Variants in ZFHX3 observed in about 807,000 individuals in gnomAD.
ZFHX3 encodes the protein zinc finger homeobox 3, also known as zinc finger homeobox protein 3.
In ZFHX3, 42 loss-of-function variants were observed where a neutral mutation model predicts 279.1. The ratio of observed to expected loss-of-function variants is 0.15; its 90% CI spans 0.12 to 0.19. The LOEUF (loss-of-function observed/expected upper bound fraction) is 0.19. Among genes scored for constraint, ZFHX3 ranks in the 10% least tolerant of loss-of-function variants. The pLI, the probability that ZFHX3 is intolerant of heterozygous loss-of-function variation, is 1.00. For missense variants in ZFHX3, 4,981 were observed against 4,754.0 expected, an observed-to-expected ratio of 1.05 and a Z score of -1.40; for synonymous variants, 2,293 against 1,957.8, an observed-to-expected ratio of 1.17 and a Z score of -4.52.
At chr16:73,671,739 A>G (rs542315359) in intron 2 of ZFHX3, among the ~76,000 whole-genome samples, 1 of 152,224 alleles carries the variant, frequency 6.6e-6, no homozygotes. Flanking sequence ...TAAGCCAACT[A>G]GTTCCAAATT....
At chr16:73,468,942 G>A (rs559473999) in intron 2 of ZFHX3, among the ~76,000 whole-genome samples, 1 of 152,186 alleles carries the variant, frequency 6.6e-6, no homozygotes, top group Non-Finnish European at 1.5e-5. Flanking sequence ...GGAGGAGAAG[G>A]AAAGAAGAAG....
chr16:72,824,737 A>T (rs558771769), intron 5 of ZFHX3, among the ~76,000 whole-genome samples: 59 of 152,368 alleles, frequency 3.9e-4, no homozygotes, highest in African/African-American at 1.3e-3. Flanking sequence ...AAAGCATCAC[A>T]TTAATTGTAT....
chr16:72,826,074 T>A (rs1439076402), intron 5 of ZFHX3, among the ~76,000 whole-genome samples: 1 of 152,124 alleles, frequency 6.6e-6, no homozygotes, highest in African/African-American at 2.4e-5. Context: ...GCCCAGTGCC[T>A]CGCATGGGGT....
At position 72,793,435 on chromosome 16, in the gene ZFHX3, G is replaced by T. The variant is rs769133893; in HGVS notation, c.9247C>A (p.Arg3083=). 1.2e-6 allele frequency: 2 copies of T among 1,614,056 alleles called. No homozygotes were observed. The part of the protein sequence containing the change: ...RQLMAQQELD[R]IKKANEVLGL... The stretch of plus-strand genomic sequence containing the variant: ...AGGACCTCGTTGGCCTTTTTAATCC[G>T]GTCCAACTCTTGTTGAGCCATCAAC... Residue 3083 remains arginine, a synonymous_variant, in exon 9 of 10, where the codon CGG becomes AGG. Coordinates refer to ENST00000268489, the MANE Select transcript of ZFHX3 (RefSeq NM_006885.4). This position sits in a 1 kb window ranked among gnomAD's most constrained non-coding sequence, Gnocchi z 4.3.
rs550383911 is a variant in ZFHX3 at position 73,055,907 on chromosome 16, G to A, written c.-24+2623C>T. Among the ~76,000 whole-genome samples, 4 of 152,092 alleles carry A rather than the reference G, an allele frequency of 2.6e-5. No homozygotes were observed. In the East Asian group the frequency reaches 7.7e-4, roughly 29 times the overall value. ...CACCACTCCTCCAGAGACTTTGTAT[G>A]TTTAAAAAGTCCACAGATCTGAATC... On this transcript the variant is annotated intron_variant, in intron 1 of 8. Coordinates refer to the ZFHX3 transcript ENST00000397992.
chr16:73,010,137 C>G (rs1424224791), intron 1 of ZFHX3, among the ~76,000 whole-genome samples: 1 of 152,120 alleles, frequency 6.6e-6, no homozygotes, highest in Non-Finnish European at 1.5e-5. Flanking sequence ...GCTCCCACCA[C>G]AGAGCAAGGC....
chr16:73,412,508 TCCC>T (rs869287058), intron 3 of ZFHX3, among the ~76,000 whole-genome samples: 1 of 3,296 alleles, frequency 3.0e-4, no homozygotes, highest in East Asian at 2.6e-3. Context: ...GACAACTCCC[TCCC>T]CTCCCCTCCC....
intron 1 of ZFHX3, among the ~76,000 whole-genome samples, chr16:73,868,746 T>A (rs1052341657): frequency 6.6e-6 from 1 of 152,144 alleles, no homozygotes; most frequent in Non-Finnish European, 1.5e-5. Context: ...AATTACTAAG[T>A]GTACACTGAA....
chr16:73,106,220 T>C (rs1966302765), intron 7 of ZFHX3, among the ~76,000 whole-genome samples: 1 of 152,130 alleles, frequency 6.6e-6, no homozygotes, highest in African/African-American at 2.4e-5. Flanking sequence ...TGTTCTTTTT[T>C]TTCCATGCCC....
chr16:73,851,180 G>A (rs549097756), intron 1 of ZFHX3, among the ~76,000 whole-genome samples: 67 of 152,278 alleles, frequency 4.4e-4, no homozygotes, highest in African/African-American at 1.6e-3. Flanking sequence ...TCAATACAGA[G>A]GGGGAAGTTA....
intron 1 of ZFHX3, among the ~76,000 whole-genome samples, chr16:73,801,845 T>C (rs1245691720): frequency 1.3e-5 from 2 of 152,240 alleles, no homozygotes; most frequent in Non-Finnish European, 2.9e-5. Flanking sequence ...CTCTGCAACT[T>C]GGGCGTGTTC....
At chr16:73,838,751 C>CGT (rs890687442) in intron 1 of ZFHX3, among the ~76,000 whole-genome samples, 3 of 139,602 alleles carry the variant, frequency 2.1e-5, no homozygotes, top group African/African-American at 8.9e-5. Flanking sequence ...TGCGCACATG[C>CGT]GTGTGTGTGT....
At chr16:72,993,033 G>C (rs1231010883) in intron 1 of ZFHX3, among the ~76,000 whole-genome samples, 1 of 152,244 alleles carries the variant, frequency 6.6e-6, no homozygotes, top group Non-Finnish European at 1.5e-5. Context: ...GCTACTCCCA[G>C]GCTGAGGCAG....
chr16:73,419,644 A>G (rs992702204), intron 3 of ZFHX3, among the ~76,000 whole-genome samples: 4 of 151,722 alleles, frequency 2.6e-5, no homozygotes, highest in Admixed American at 2.6e-4. Flanking sequence ...GGGTCTCGCT[A>G]TGTTGCCCAG....
At chr16:73,092,885 T>C (rs758314797) in intron 8 of ZFHX3, 71 of 519,004 alleles carry the variant, frequency 1.4e-4, no homozygotes, top group Admixed American at 4.3e-4. Flanking sequence ...TGAGAGGCTG[T>C]GTGTGTCCCA....
chr16:72,832,799 C>T (rs185673167), intron 4 of ZFHX3, among the ~76,000 whole-genome samples: 304 of 152,330 alleles, frequency 2.0e-3, no homozygotes, highest in Middle Eastern at 3.4e-3. Flanking sequence ...GAGTCTGGAC[C>T]GCCTAACCTG....
Position 72,860,478 on chromosome 16 carries a change from T to G in ZFHX3, c.3448+29253A>C, listed in dbSNP as rs189313265. On this transcript the variant is annotated intron_variant, in intron 4 of 9. Transcript: ENST00000268489. The stretch of plus-strand genomic sequence containing the variant: ...GTCTCACTCACTCTGTTGCCCAGGC[T>G]GGAATGCAGTGGCACGATCTCAGCT... 4.1e-3 allele frequency among the ~76,000 whole-genome samples: 623 copies of G among 152,332 alleles called. 4 individuals are homozygous for G. The highest frequency in any genetic ancestry group is 7.0e-3 in the Non-Finnish European group (476 of 68,032).
In ZFHX3 at chr16:72,959,373, T is replaced by C. The variant is rs754198212; in HGVS notation, c.773A>G (p.Lys258Arg). The change falls in exon 2 of 10, where the codon AAA (lysine) becomes AGA (arginine). Residue 258 changes from lysine to arginine, a missense_variant. Around this residue, in one of 7 missense-constraint regions of ZFHX3, gnomAD observed 1,068 missense variants for 935.2 expected, o/e 1.14. Coordinates refer to ENST00000268489, the MANE Select transcript of ZFHX3 (RefSeq NM_006885.4). The part of the protein sequence containing the change: ...DGSAKSSCVS[K>R]DVPNNVDLSK... ...CAGGTCCACATTGTTGGGAACATCT[T>C]TGGATACGCAGGAGCTTTTGGCAGA... The C allele has an allele frequency of 6.2e-6, 10 of 1,614,190 alleles. No homozygotes were observed. Among genetic ancestry groups the C allele is most frequent in the Admixed American group, 1.7e-5 (1 of 60,026 alleles).
intron 2 of ZFHX3, among the ~76,000 whole-genome samples, chr16:73,656,190 G>T (rs958313243): frequency 5.9e-5 from 9 of 152,176 alleles, no homozygotes; most frequent in Non-Finnish European, 8.8e-5. Flanking sequence ...TTCAAGCTGC[G>T]ATAGCAGAAC....
Sources: allele counts gnomAD v4.1 joint callset (sites outside exome capture counted in the v4.1 genomes callset), GRCh38; gene constraint gnomAD v4.1.1; regional missense constraint gnomAD v4.1.1; non-coding constraint Gnocchi (gnomAD v3.1); transcripts MANE v1.5; gene names NCBI Gene and HGNC (gene_info 2026-07-23, HGNC 2026-07-21).